TMTC1: variants seen among roughly 807,000 people sequenced by gnomAD.
TMTC1 encodes protein O-mannosyl-transferase TMTC1.
TMTC1 carries 73 observed loss-of-function variants against 104.8 expected under a neutral mutation model. The observed-to-expected ratio is 0.70, with a 90% CI of 0.58 to 0.85. The LOEUF is 0.85. Among genes scored for constraint, TMTC1 ranks in the 40% least tolerant of loss-of-function variants. The probability of loss-of-function intolerance (pLI) is 0.00; values close to 1 mark genes in which losing one functional copy is unlikely to be tolerated. For synonymous variants in TMTC1, 434 were observed against 428.7 expected (o/e 1.01, Z -0.15); for missense variants, 1,035 against 1,096.1 (o/e 0.94, Z 0.79).
At position 29,703,012 on chromosome 12, in the gene TMTC1, C is replaced by T. The variant is rs147630387; in HGVS notation, c.938+48654G>A. Among the ~76,000 whole-genome samples the T allele has an allele frequency of 2.4e-3, 371 of 151,930 alleles. 2 individuals are homozygous for T. The highest frequency in any genetic ancestry group is 7.5e-3 in the African/African-American group (311 of 41,446). On this transcript the variant is annotated intron_variant, in intron 5 of 17. Coordinates refer to ENST00000539277, the MANE Select transcript of TMTC1 (RefSeq NM_001193451.2). ...TATAAAAATTAGTTAGGCACGGTGGCGCGTGCCTATAATCCCAGCTACTCG... is the reference window on the plus strand; with the variant it reads ...TATAAAAATTAGTTAGGCACGGTGGTGCGTGCCTATAATCCCAGCTACTCG...
intron 5 of TMTC1, among the ~76,000 whole-genome samples, chr12:29,695,538 C>A (rs1941390790): frequency 6.6e-6 from 1 of 151,752 alleles, no homozygotes; most frequent in Admixed American, 6.6e-5. Context: ...ATCTCCTGAC[C>A]TTGTGATCTG....
chr12:29,614,590 G>C (rs184000903), intron 6 of TMTC1, among the ~76,000 whole-genome samples: 2 of 152,306 alleles, frequency 1.3e-5, no homozygotes, highest in East Asian at 3.9e-4. Context: ...TCTGAGTTCA[G>C]ACATGCACAC....
intron 8 of TMTC1, among the ~76,000 whole-genome samples, chr12:29,572,822 G>C (rs1311605940): frequency 6.6e-6 from 1 of 152,114 alleles, no homozygotes; most frequent in African/African-American, 2.4e-5. Context: ...CTTTTTCATG[G>C]AGACTTGATG....
Position 29,502,217 on chromosome 12 carries a change from G to A in TMTC1, c.*4629C>T. On this transcript the variant is annotated 3_prime_UTR_variant, in exon 18 of 18. Transcript: ENST00000539277. ...ATCAAATCAAAGTAAACATAATTTG[G>A]AAACCAGGAACAAAAATTTTTAAAA... The A allele has an allele frequency of 6.6e-6, 1 of 151,912 alleles. No individual in the cohort carries two copies. Among genetic ancestry groups the A allele is most frequent in the Non-Finnish European group, 1.5e-5 (1 of 67,938 alleles). The allele number at this position is 151,912 out of a possible 1,614,324, so 9.4% of individuals were successfully genotyped here. A position where few individuals can be genotyped will look rare whatever the true frequency, so the allele number is the denominator to read the frequency against.
At chr12:29,677,717 T>C (rs1361097274) in intron 5 of TMTC1, among the ~76,000 whole-genome samples, 1 of 152,252 alleles carries the variant, frequency 6.6e-6, no homozygotes, top group Non-Finnish European at 1.5e-5. Context: ...GTGTCCGGCA[T>C]ATCCACTCTG....
intron 1 of TMTC1, among the ~76,000 whole-genome samples, chr12:29,775,694 C>A (rs1248179766): frequency 1.3e-5 from 2 of 152,120 alleles, no homozygotes; most frequent in Non-Finnish European, 2.9e-5. Context: ...TATGTAGGCA[C>A]AATTGATTGA....
chr12:29,696,758 G>A (rs1565776408), intron 5 of TMTC1, among the ~76,000 whole-genome samples: 1 of 152,078 alleles, frequency 6.6e-6, no homozygotes, highest in Non-Finnish European at 1.5e-5. Flanking sequence ...ATAAATAGAA[G>A]AAAGAAACCT....
chr12:29,564,911 A>G (rs1013184763), intron 9 of TMTC1, among the ~76,000 whole-genome samples: 16 of 152,272 alleles, frequency 1.1e-4, no homozygotes, highest in African/African-American at 3.9e-4. Flanking sequence ...AGCTCTGAGA[A>G]ACTGGAAATT....
At chr12:29,690,982 C>T (rs1031381470) in intron 5 of TMTC1, among the ~76,000 whole-genome samples, 3 of 152,208 alleles carry the variant, frequency 2.0e-5, no homozygotes, top group Admixed American at 1.3e-4. Context: ...GCCCAACTAA[C>T]TTTGGGAAGG....
chr12:29,685,914 A>C (rs2136734795), intron 5 of TMTC1, among the ~76,000 whole-genome samples: 1 of 148,806 alleles, frequency 6.7e-6, no homozygotes, highest in Non-Finnish European at 1.5e-5. Flanking sequence ...TGTAGACTAT[A>C]TTATAGCAAG....
chr12:29,552,786 A>G (rs1945140336), intron 10 of TMTC1, among the ~76,000 whole-genome samples: 1 of 152,250 alleles, frequency 6.6e-6, no homozygotes, highest in Non-Finnish European at 1.5e-5. Flanking sequence ...AGAAGGATAC[A>G]ATTTTTTAAA....
chr12:29,561,856 C>A (rs1177093461), intron 9 of TMTC1, among the ~76,000 whole-genome samples: 1 of 152,092 alleles, frequency 6.6e-6, no homozygotes. Flanking sequence ...TCATACCACA[C>A]ATTAATTTAT....
chr12:29,691,440 T>G (rs1222067070), intron 5 of TMTC1, among the ~76,000 whole-genome samples: 1 of 152,034 alleles, frequency 6.6e-6, no homozygotes, highest in African/African-American at 2.4e-5. Context: ...CTGATTTGAA[T>G]AATAATAAAA....
intron 5 of TMTC1, among the ~76,000 whole-genome samples, chr12:29,732,668 T>C (rs1942574780): frequency 6.6e-6 from 1 of 152,134 alleles, no homozygotes; most frequent in South Asian, 2.1e-4. Flanking sequence ...TAGTACGGGA[T>C]TTAAAAAAAA....
At chr12:29,651,052 T>C (rs1459589475) in intron 5 of TMTC1, among the ~76,000 whole-genome samples, 2 of 152,180 alleles carry the variant, frequency 1.3e-5, no homozygotes, top group Non-Finnish European at 2.9e-5. Context: ...GGCTACGCTT[T>C]CCAGCCCCTT....
At chr12:29,541,859 A>G (rs949624161) in intron 10 of TMTC1, among the ~76,000 whole-genome samples, 1 of 152,012 alleles carries the variant, frequency 6.6e-6, no homozygotes, top group African/African-American at 2.4e-5. Flanking sequence ...GTGTTTCACC[A>G]TGTTGGCCAG....
intron 5 of TMTC1, chr12:29,661,452 T>C (rs1565748397): frequency 2.1e-6 from 1 of 486,504 alleles, no homozygotes; most frequent in Non-Finnish European, 2.7e-6. Flanking sequence ...AGACGGAGTT[T>C]TGCTCGTCGC....
In TMTC1 at chr12:29,669,294, T is replaced by G. The variant is rs571595850; in HGVS notation, c.939-35958A>C. Among the ~76,000 whole-genome samples, 10 of 152,210 alleles carry G rather than the reference T, an allele frequency of 6.6e-5. No homozygotes were observed. The East Asian group carries it at 1.9e-3, about 29-fold the overall frequency. ...ACAGTGGTGAACAGAGAGACTAAAG[T>G]GGTAGGCAGGGGCCCTTTCACTCCG... is the stretch of plus-strand genomic sequence containing the variant. On this transcript the variant is annotated intron_variant, in intron 5 of 17. Coordinates refer to ENST00000539277, the MANE Select transcript of TMTC1 (RefSeq NM_001193451.2).
At chr12:29,745,763 C>T (rs1294181876) in intron 5 of TMTC1, among the ~76,000 whole-genome samples, 2 of 151,706 alleles carry the variant, frequency 1.3e-5, no homozygotes, top group Admixed American at 1.3e-4. Context: ...AGTTGTTTAA[C>T]AATACGTAAC....
Sources: allele counts gnomAD v4.1 joint callset (sites outside exome capture counted in the v4.1 genomes callset), GRCh38; gene constraint gnomAD v4.1.1; transcripts MANE v1.5; gene names NCBI Gene and HGNC (gene_info 2026-07-23, HGNC 2026-07-21).